The following SAMD12 variants were observed in gnomAD, a reference collection of about 807,000 sequenced individuals.
The protein encoded by SAMD12 is sterile alpha motif domain containing 12, also known as sterile alpha motif domain-containing protein 12.
Under a neutral mutation model 15.0 loss-of-function variants are expected in SAMD12, and 9 were observed. The ratio of observed to expected loss-of-function variants is 0.60; its 90% confidence interval spans 0.36 to 1.05. SAMD12 has a LOEUF of 1.05. Ranked by LOEUF, SAMD12 falls within the 50% of genes least tolerant of loss-of-function variation. SAMD12 has a pLI of 0.01. For missense variants in SAMD12, 230 were observed against 234.2 expected (o/e 0.98, Z 0.12); for synonymous variants, 86 against 90.1 (o/e 0.96, Z 0.25).
At chr8:118,365,251 G>A (rs1264657131) in intron 4 of SAMD12, among the ~76,000 whole-genome samples, 1 of 152,124 alleles carries the variant, frequency 6.6e-6, no homozygotes, top group East Asian at 1.9e-4. Context: ...CTTCACCCCT[G>A]TGAGAGTTAA....
chr8:118,553,026 A>G (rs546954842), intron 2 of SAMD12, among the ~76,000 whole-genome samples: 1,624 of 152,184 alleles, frequency 0.011, 35 homozygotes, highest in African/African-American at 0.037. Context: ...TCAAGGAAAT[A>G]AAAGAGGATA....
chr8:118,457,634 G>T (rs963320636), intron 2 of SAMD12, among the ~76,000 whole-genome samples: 1 of 152,164 alleles, frequency 6.6e-6, no homozygotes, highest in Non-Finnish European at 1.5e-5. Context: ...GCAAAAATGT[G>T]TAGGATTTGA....
intron 2 of SAMD12, among the ~76,000 whole-genome samples, chr8:118,562,843 C>T (rs1251557382): frequency 1.3e-5 from 2 of 152,108 alleles, no homozygotes; most frequent in Non-Finnish European, 2.9e-5. Context: ...AAATGGAGTA[C>T]ATTCAAGTAG....
chr8:118,452,482 T>A lies in SAMD12; in HGVS notation c.193-12521A>T, dbSNP rs181772463. ...CTAGGTTTCATACAATTAGAAAAAA[T>A]TTTTGCTGAGAATTTGCCTCATTAG... is the stretch of plus-strand genomic sequence containing the variant. On this transcript the variant is annotated intron_variant, in intron 2 of 3. Coordinates refer to ENST00000314727, the MANE Select transcript of SAMD12 (RefSeq NM_207506.3). Among the ~76,000 whole-genome samples, 1,138 of 152,254 alleles carry A rather than the reference T, an allele frequency of 7.5e-3. 4 individuals are homozygous for A. Among genetic ancestry groups the A allele is most frequent in the Non-Finnish European group, 0.012 (798 of 68,018 alleles).
chr8:118,531,075 G>A (rs1825671307), intron 2 of SAMD12, among the ~76,000 whole-genome samples: 1 of 152,210 alleles, frequency 6.6e-6, no homozygotes, highest in African/African-American at 2.4e-5. Context: ...TAATGTTTAA[G>A]TCTTTAATCC....
intron 4 of SAMD12, among the ~76,000 whole-genome samples, chr8:118,369,900 C>T (rs186368122): frequency 7.2e-5 from 11 of 152,126 alleles, no homozygotes; most frequent in Non-Finnish European, 1.5e-4. Flanking sequence ...GCAGTTGCAG[C>T]GAAAGTAAAA....
At chr8:118,179,882 C>T in the SAMD12 span, among the ~76,000 whole-genome samples, 4 of 152,216 alleles carry the variant, frequency 2.6e-5, no homozygotes, top group South Asian at 2.1e-4. Flanking sequence ...CAAAAGGCCA[C>T]GAGGCAGCAT....
intron 4 of SAMD12, among the ~76,000 whole-genome samples, chr8:118,201,801 T>G (rs1362184866): frequency 6.6e-6 from 1 of 152,238 alleles, no homozygotes; most frequent in African/African-American, 2.4e-5. Context: ...ATTTTGCAGC[T>G]AACAAATAGT....
chr8:118,267,106 T>C (rs533528535), intron 4 of SAMD12, among the ~76,000 whole-genome samples: 89 of 152,240 alleles, frequency 5.8e-4, no homozygotes, highest in Admixed American at 2.0e-3. Flanking sequence ...CATTTTGTAC[T>C]TGTCAGTTAA....
At chr8:118,189,525 T>C (rs1342857320) in exon 5 of SAMD12, 3 of 152,178 alleles carry the variant, frequency 2.0e-5, no homozygotes, top group African/African-American at 4.8e-5. Flanking sequence ...TAATGCTGAA[T>C]ACAAAATAGT....
intron 4 of SAMD12, among the ~76,000 whole-genome samples, chr8:118,251,269 T>C (rs1181607913): frequency 6.6e-6 from 1 of 152,190 alleles, no homozygotes; most frequent in East Asian, 1.9e-4. Context: ...CATTTTCTAG[T>C]AGTGGTTGTA....
At chr8:118,407,558 A>G (rs1256574634) in intron 3 of SAMD12, among the ~76,000 whole-genome samples, 1 of 152,194 alleles carries the variant, frequency 6.6e-6, no homozygotes, top group Non-Finnish European at 1.5e-5. Context: ...TCATTAAGCT[A>G]GGAAGAACTA....
intron 4 of SAMD12, among the ~76,000 whole-genome samples, chr8:118,303,674 G>A (rs1246471690): frequency 1.3e-5 from 2 of 150,544 alleles, no homozygotes; most frequent in South Asian, 4.2e-4. Flanking sequence ...TTTTTTTCCT[G>A]ACTGTGTTTC....
At chr8:118,330,227 A>G (rs1319968816) in intron 4 of SAMD12, among the ~76,000 whole-genome samples, 2 of 152,236 alleles carry the variant, frequency 1.3e-5, no homozygotes, top group Non-Finnish European at 2.9e-5. Flanking sequence ...GGATTTAAGT[A>G]TACAGAAGAT....
At chr8:118,181,948 C>T in the SAMD12 span, among the ~76,000 whole-genome samples, 1 of 152,198 alleles carries the variant, frequency 6.6e-6, no homozygotes, top group African/African-American at 2.4e-5. Flanking sequence ...ATTCCTTATT[C>T]TCAGTCCTTT....
chr8:118,540,165 A>G (rs563197277), intron 2 of SAMD12, among the ~76,000 whole-genome samples: 2 of 152,220 alleles, frequency 1.3e-5, no homozygotes, highest in South Asian at 2.1e-4. Context: ...TGCCAGTTCT[A>G]TTTCATGGGC....
chr8:118,348,819 G>A (rs1370627750), intron 4 of SAMD12, among the ~76,000 whole-genome samples: 2 of 152,234 alleles, frequency 1.3e-5, no homozygotes, highest in African/African-American at 4.8e-5. Flanking sequence ...GACAAAGGTA[G>A]CCTGAGGGAA....
chr8:118,140,033 G>T, the SAMD12 span, among the ~76,000 whole-genome samples: 7 of 152,298 alleles, frequency 4.6e-5, no homozygotes, highest in African/African-American at 1.2e-4. Flanking sequence ...GCAGACAGGA[G>T]CTGAAGCAAG....
At chr8:118,587,820 T>C (rs1827490036) in intron 1 of SAMD12, among the ~76,000 whole-genome samples, 1 of 152,232 alleles carries the variant, frequency 6.6e-6, no homozygotes. Flanking sequence ...TATTAAGCCA[T>C]GGTTAGTCGT....
Sources: gnomAD v4.1 joint callset for allele counts (sites outside exome capture counted in the v4.1 genomes callset) on GRCh38, gnomAD v4.1.1 for gene constraint, MANE v1.5 for transcripts, NCBI Gene and HGNC (gene_info 2026-07-23, HGNC 2026-07-21) for gene names.